Variants in TRPM3 observed in about 807,000 individuals in gnomAD.
TRPM3 encodes transient receptor potential cation channel subfamily M member 3.
A neutral mutation model predicts 181.2 loss-of-function variants in TRPM3; 77 were observed. That is an observed-to-expected ratio of 0.42 (90% CI 0.35 to 0.51). The LOEUF (loss-of-function observed/expected upper bound fraction) is 0.51, where lower values mean the gene tolerates loss of function less well. Among genes scored for constraint, TRPM3 ranks in the 20% least tolerant of loss-of-function variants. The pLI is 0.01. For missense variants in TRPM3, 1,759 were observed against 2,196.7 expected (o/e 0.80, Z 3.98); for synonymous variants, 745 against 796.4 (o/e 0.94, Z 1.09).
intron 9 of TRPM3, among the ~76,000 whole-genome samples, chr9:70,645,760 A>T (rs200280573): frequency 3.3e-5 from 5 of 152,008 alleles, no homozygotes; most frequent in African/African-American, 9.7e-5. Flanking sequence ...AAAAATAAAA[A>T]AAATAAATAA....
At chr9:70,915,330 C>T (rs763567103) in intron 1 of TRPM3, among the ~76,000 whole-genome samples, 7 of 151,050 alleles carry the variant, frequency 4.6e-5, no homozygotes, top group Non-Finnish European at 7.4e-5. Context: ...CAGAGTCTTA[C>T]TCTGTCGCCC....
intron 1 of TRPM3, among the ~76,000 whole-genome samples, chr9:71,256,327 G>C (rs1243723923): frequency 1.3e-5 from 2 of 152,098 alleles, no homozygotes; most frequent in African/African-American, 2.4e-5. Flanking sequence ...CTCGACAGTG[G>C]TGTGTTCATT....
intron 14 of TRPM3, 141 bp from the exon 15 acceptor site, chr9:70,621,414 G>T: frequency 2.2e-6 from 1 of 459,260 alleles, no homozygotes; most frequent in Non-Finnish European, 3.8e-6. Context: ...ACCTGAGTTG[G>T]AGTGTAGAGG....
At chr9:70,612,393 CAT>C (rs1487661070) in intron 18 of TRPM3, among the ~76,000 whole-genome samples, 1 of 152,134 alleles carries the variant, frequency 6.6e-6, no homozygotes, top group Non-Finnish European at 1.5e-5. Context: ...TGAGAGAGCT[CAT>C]TATAGAAACA....
At chr9:70,801,733 T>TTTCTTTTTTTTTTTTTTTTTTTTTGAG (rs1451871247) in intron 6 of TRPM3, among the ~76,000 whole-genome samples, 1 of 151,772 alleles carries the variant, frequency 6.6e-6, no homozygotes, top group African/African-American at 2.4e-5. Context: ...TGCTTCTTTC[T>TTTCTTTTTTTTTTTTTTTTTTTTTGAG]ACTGCTGCCA....
chr9:70,599,903 C>A (rs2059591359), intron 20 of TRPM3, among the ~76,000 whole-genome samples: 1 of 152,154 alleles, frequency 6.6e-6, no homozygotes, highest in African/African-American at 2.4e-5. Context: ...ATCTGTCCAT[C>A]CATTCTTCTC....
intron 1 of TRPM3, among the ~76,000 whole-genome samples, chr9:71,363,773 A>C (rs1054084562): frequency 2.0e-5 from 3 of 152,264 alleles, no homozygotes; most frequent in Non-Finnish European, 4.4e-5. Context: ...GGGCACTACC[A>C]TAATACATCA....
intron 1 of TRPM3, among the ~76,000 whole-genome samples, chr9:71,235,394 T>G (rs986984831): frequency 3.3e-5 from 5 of 152,228 alleles, no homozygotes; most frequent in Non-Finnish European, 7.3e-5. Context: ...TCTCCCACAC[T>G]AGACCATGAG....
At chr9:71,251,210 C>T (rs924770266) in intron 1 of TRPM3, among the ~76,000 whole-genome samples, 1 of 152,140 alleles carries the variant, frequency 6.6e-6, no homozygotes, top group Non-Finnish European at 1.5e-5. Context: ...TTTTGACCTG[C>T]AAGTATTCCT....
At chr9:70,606,477 G>GACA (rs1176010873) in intron 19 of TRPM3, among the ~76,000 whole-genome samples, 15 of 151,852 alleles carry the variant, frequency 9.9e-5, no homozygotes, top group African/African-American at 3.6e-4. Flanking sequence ...AATATTTTGG[G>GACA]ACAACTCTCA....
intron 1 of TRPM3, among the ~76,000 whole-genome samples, chr9:71,257,485 C>A (rs1347743300): frequency 6.6e-6 from 1 of 151,958 alleles, no homozygotes; most frequent in Non-Finnish European, 1.5e-5. Flanking sequence ...TGCCATGTAC[C>A]CAATGACTGG....
intron 22 of TRPM3, among the ~76,000 whole-genome samples, chr9:70,554,064 TGGG>T (rs772691500): frequency 6.8e-5 from 8 of 118,288 alleles, no homozygotes; most frequent in Admixed American, 3.8e-4. Flanking sequence ...AATGGGCAAA[TGGG>T]GGGAAAAAAA....
intron 6 of TRPM3, among the ~76,000 whole-genome samples, chr9:70,811,872 G>A (rs1369464714): frequency 6.6e-6 from 1 of 151,986 alleles, no homozygotes; most frequent in Non-Finnish European, 1.5e-5. Context: ...ATTATTAATT[G>A]GACTGATTCC....
At chr9:70,895,505 T>G (rs959027639) in intron 1 of TRPM3, among the ~76,000 whole-genome samples, 2 of 152,178 alleles carry the variant, frequency 1.3e-5, no homozygotes, top group African/African-American at 2.4e-5. Context: ...AACCAATCAA[T>G]TACAGATAAC....
chr9:71,402,367 A>G (rs1184235545), intron 1 of TRPM3, among the ~76,000 whole-genome samples: 2 of 152,214 alleles, frequency 1.3e-5, no homozygotes, highest in Non-Finnish European at 2.9e-5. Context: ...GTGGTTTGCC[A>G]GAAGTCTCCT....
intron 1 of TRPM3, 33 bp from the exon 2 acceptor site, chr9:70,864,544 A>G (rs2095604922): frequency 2.2e-6 from 3 of 1,377,050 alleles, no homozygotes; most frequent in Non-Finnish European, 2.9e-6. Flanking sequence ...AAAAAAAAGA[A>G]AAAAGAAAGA....
chr9:70,754,820 T>C (rs76762518), intron 8 of TRPM3, among the ~76,000 whole-genome samples: 10 of 152,302 alleles, frequency 6.6e-5, no homozygotes, highest in South Asian at 2.1e-4. Flanking sequence ...CAATGCCTCC[T>C]TGTTTTGTGT....
chr9:70,691,757 A>T (rs1182771896), intron 8 of TRPM3, among the ~76,000 whole-genome samples: 1 of 152,232 alleles, frequency 6.6e-6, no homozygotes, highest in Non-Finnish European at 1.5e-5. Flanking sequence ...ATTAAAAATT[A>T]TAGAAAGTTT....
intron 22 of TRPM3, among the ~76,000 whole-genome samples, chr9:70,589,691 C>T (rs2057773594): frequency 6.6e-6 from 1 of 152,146 alleles, no homozygotes; most frequent in African/African-American, 2.4e-5. Flanking sequence ...AAAATTCTTC[C>T]TCAGTGAGTT....
Sources: allele counts gnomAD v4.1 joint callset (sites outside exome capture counted in the v4.1 genomes callset), GRCh38; gene constraint gnomAD v4.1.1; transcripts MANE v1.5; gene names NCBI Gene and HGNC (gene_info 2026-07-23, HGNC 2026-07-21).